WWOX: variants seen among roughly 807,000 people sequenced by gnomAD.
The protein encoded by WWOX is WW domain-containing oxidoreductase.
WWOX carries 69 observed loss-of-function variants against 46.2 expected under a neutral mutation model. The ratio of observed to expected loss-of-function variants is 1.49; its 90% confidence interval spans 1.23 to 1.82. The LOEUF is 1.82. WWOX is among the 40% of genes most tolerant of loss of function. WWOX has a pLI of 0.00. For missense variants in WWOX, 919 were observed against 542.6 expected (o/e 1.69, Z -6.89); for synonymous variants, 359 against 202.6 (o/e 1.77, Z -6.56).
intron 8 of WWOX, among the ~76,000 whole-genome samples, chr16:79,044,021 C>T (rs2048021511): frequency 6.6e-6 from 1 of 152,210 alleles, no homozygotes; most frequent in Non-Finnish European, 1.5e-5. Context: ...TATGTGCTCT[C>T]TCCTAGAGCC....
chr16:78,920,988 C>T (rs989108660), intron 8 of WWOX, among the ~76,000 whole-genome samples: 1 of 152,128 alleles, frequency 6.6e-6, no homozygotes, highest in African/African-American at 2.4e-5. Context: ...TAGGACAAAA[C>T]CAGCTCCCAC....
intron 8 of WWOX, among the ~76,000 whole-genome samples, chr16:79,047,065 A>T (rs1369949669): frequency 6.6e-6 from 1 of 152,222 alleles, no homozygotes; most frequent in Non-Finnish European, 1.5e-5. Flanking sequence ...CTTGGCATCC[A>T]CAAATATTGC....
intron 8 of WWOX, among the ~76,000 whole-genome samples, chr16:78,515,258 T>C (rs9972840): frequency 0.025 from 3,843 of 152,108 alleles, 92 homozygotes; most frequent in East Asian, 0.066. Context: ...AAAAATACTA[T>C]TCCATAGCTG....
At chr16:79,054,591 G>T (rs868559852) in intron 8 of WWOX, among the ~76,000 whole-genome samples, 1 of 152,200 alleles carries the variant, frequency 6.6e-6, no homozygotes, top group African/African-American at 2.4e-5. Flanking sequence ...GGCGGTCAAG[G>T]TGGGAAGATC....
chr16:79,185,310 A>G (rs2050991733), intron 8 of WWOX, among the ~76,000 whole-genome samples: 1 of 152,184 alleles, frequency 6.6e-6, no homozygotes, highest in South Asian at 2.1e-4. Context: ...TAAAAAACAA[A>G]ATTTCAACCC....
intron 8 of WWOX, among the ~76,000 whole-genome samples, chr16:78,870,662 TGCGATCTTGCCTCACGGCAACCTC>T (rs1485882883): frequency 5.3e-5 from 8 of 152,324 alleles, no homozygotes; most frequent in African/African-American, 1.9e-4. Flanking sequence ...AGTGCGGTGG[TGCGATCTTGCCTCACGGCAACCTC>T]TGCCTCCTGG....
intron 8 of WWOX, among the ~76,000 whole-genome samples, chr16:78,632,891 A>C (rs1298505041): frequency 6.6e-6 from 1 of 151,576 alleles, no homozygotes; most frequent in Non-Finnish European, 1.5e-5. Context: ...TCGCCTCTCC[A>C]CCCCTGCTAC....
At chr16:78,559,817 C>T (rs2044391188) in intron 8 of WWOX, among the ~76,000 whole-genome samples, 2 of 152,178 alleles carry the variant, frequency 1.3e-5, no homozygotes, top group South Asian at 4.1e-4. Flanking sequence ...ATCTTACAGA[C>T]CTCAAGTGAA....
intron 8 of WWOX, among the ~76,000 whole-genome samples, chr16:78,499,928 G>T (rs183359531): frequency 1.3e-5 from 2 of 152,278 alleles, no homozygotes; most frequent in Admixed American, 6.5e-5. Context: ...ATAGGATTAA[G>T]TAGTACCAAA....
intron 8 of WWOX, among the ~76,000 whole-genome samples, chr16:78,953,370 T>G (rs576010470): frequency 6.6e-6 from 1 of 152,298 alleles, no homozygotes; most frequent in South Asian, 2.1e-4. Context: ...ACACTAATTG[T>G]ATGCAAATGG....
intron 8 of WWOX, among the ~76,000 whole-genome samples, chr16:79,058,701 G>A (rs1282175636): frequency 6.6e-6 from 1 of 152,154 alleles, no homozygotes; most frequent in Non-Finnish European, 1.5e-5. Flanking sequence ...CTAAACTTCT[G>A]TCTTTGGGTT....
chr16:78,442,103 C>G (rs117587551), intron 8 of WWOX, among the ~76,000 whole-genome samples: 8,705 of 151,536 alleles, frequency 0.057, 302 homozygotes, highest in Non-Finnish European at 0.088. Flanking sequence ...TGCCCCTGCA[C>G]TCCATCCTGG....
chr16:78,161,670 G>T (rs931866294), intron 4 of WWOX, among the ~76,000 whole-genome samples: 2 of 152,082 alleles, frequency 1.3e-5, no homozygotes, highest in Non-Finnish European at 2.9e-5. Context: ...GCCCAAGCTG[G>T]TCACAAGTGA....
intron 8 of WWOX, among the ~76,000 whole-genome samples, chr16:78,528,165 ATTTTTTTTTT>A (rs56803717): frequency 6.8e-5 from 4 of 58,396 alleles, no homozygotes; most frequent in African/African-American, 3.4e-4. Flanking sequence ...CACCTGGCTA[ATTTTTTTTTT>A]TTTTTTTTTT....
rs529546700 is a variant in WWOX at position 78,775,352 on chromosome 16, C to A, written c.1056+342600C>A. On this transcript the variant is annotated intron_variant, in intron 8 of 8. Transcript: ENST00000566780. ...GTGTGTCATCCCCTCCCCACCCCCA[C>A]GAACATGTAGTTTTTGGGCAACTTT... 8.5e-5 allele frequency among the ~76,000 whole-genome samples: 13 copies of A among 152,298 alleles called. No homozygotes were observed. The South Asian group carries it at 1.9e-3, about 22-fold the overall frequency.
chr16:79,089,532 A>T (rs538832571), intron 8 of WWOX, among the ~76,000 whole-genome samples: 2 of 152,054 alleles, frequency 1.3e-5, no homozygotes, highest in East Asian at 1.9e-4. Context: ...GGGTTTCTCC[A>T]TATTGGTCAG....
intron 8 of WWOX, among the ~76,000 whole-genome samples, chr16:78,692,016 C>CAG (rs2048001253): frequency 2.0e-5 from 3 of 152,192 alleles, no homozygotes; most frequent in Admixed American, 2.0e-4. Flanking sequence ...CTTGCCACTG[C>CAG]CATGTAAGAA....
chr16:78,260,711 G>A (rs1025930835), intron 5 of WWOX, among the ~76,000 whole-genome samples: 2 of 150,344 alleles, frequency 1.3e-5, no homozygotes, highest in Admixed American at 1.3e-4. Context: ...GGCTGAGGCA[G>A]GTGGATCACT....
chr16:78,749,955 A>C (rs1278694282), intron 8 of WWOX, among the ~76,000 whole-genome samples: 1 of 152,196 alleles, frequency 6.6e-6, no homozygotes, highest in Non-Finnish European at 1.5e-5. Flanking sequence ...ACTGTTTACA[A>C]GTCAGATGCT....
Sources: gnomAD v4.1 joint callset for allele counts (sites outside exome capture counted in the v4.1 genomes callset) on GRCh38, gnomAD v4.1.1 for gene constraint, MANE v1.5 for transcripts, NCBI Gene and HGNC (gene_info 2026-07-23, HGNC 2026-07-21) for gene names.